Variants in ZNF804B observed in about 807,000 individuals in gnomAD.
ZNF804B encodes zinc finger protein 804B, also known as zinc finger 804B.
ZNF804B carries 80 observed loss-of-function variants against 101.4 expected under a neutral mutation model. That is an observed-to-expected ratio of 0.79 (90% CI 0.66 to 0.95). ZNF804B has a LOEUF of 0.95. Ranked by LOEUF, ZNF804B falls within the 40% of genes least tolerant of loss-of-function variation. ZNF804B has a pLI of 0.00. For missense variants in ZNF804B, 1,673 were observed against 1,561.9 expected, an observed-to-expected ratio of 1.07 and a Z score of -1.20; for synonymous variants, 622 against 558.8, an observed-to-expected ratio of 1.11 and a Z score of -1.59.
chr7:89,235,162 A>G (rs1054232187), intron 2 of ZNF804B, among the ~76,000 whole-genome samples: 2 of 152,204 alleles, frequency 1.3e-5, no homozygotes, highest in African/African-American at 4.8e-5. Flanking sequence ...CCAATATCAT[A>G]AAATGACAAA....
intron 1 of ZNF804B, among the ~76,000 whole-genome samples, chr7:89,217,718 C>A (rs1469825319): frequency 6.6e-6 from 1 of 152,126 alleles, no homozygotes; most frequent in African/African-American, 2.4e-5. Flanking sequence ...ATACATCAGG[C>A]TCTATCTATA....
intron 2 of ZNF804B, among the ~76,000 whole-genome samples, chr7:89,287,423 A>G (rs1790219668): frequency 6.6e-6 from 1 of 152,202 alleles, no homozygotes. Flanking sequence ...ATTTTCTCAG[A>G]TTTTCTCCCT....
intron 1 of ZNF804B, among the ~76,000 whole-genome samples, chr7:89,024,237 T>C (rs1025783053): frequency 6.6e-6 from 1 of 152,154 alleles, no homozygotes; most frequent in Non-Finnish European, 1.5e-5. Context: ...CTCTGTACTT[T>C]CCTTTGCAAT....
chr7:88,976,777 T>A (rs925228856), intron 1 of ZNF804B, among the ~76,000 whole-genome samples: 7 of 151,622 alleles, frequency 4.6e-5, no homozygotes, highest in Non-Finnish European at 8.9e-5. Flanking sequence ...CTATATTAAA[T>A]AACAGGGATA....
chr7:88,920,682 A>G lies in ZNF804B; in HGVS notation c.108+160598A>G, dbSNP rs141520414. On this transcript the variant is annotated intron_variant, in intron 1 of 3. Transcript: ENST00000333190. ...GAATGGAAAATACTAGAAAATTGAAATTTGAAATAAATCACTAGATTTTGA... is the reference window on the plus strand; with the variant it reads ...GAATGGAAAATACTAGAAAATTGAAGTTTGAAATAAATCACTAGATTTTGA... 2.2e-4 allele frequency among the ~76,000 whole-genome samples: 33 copies of G among 152,198 alleles called. 1 individual carries two copies. The highest frequency in any genetic ancestry group is 3.4e-3 in the Middle Eastern group (1 of 294).
intron 1 of ZNF804B, among the ~76,000 whole-genome samples, chr7:89,082,277 G>A (rs989905497): frequency 3.3e-5 from 5 of 151,604 alleles, no homozygotes; most frequent in Non-Finnish European, 3.0e-5. Flanking sequence ...ATGCAAAATA[G>A]ATAATTTTTA....
chr7:89,208,221 A>T (rs1788745151), intron 1 of ZNF804B, among the ~76,000 whole-genome samples: 1 of 151,732 alleles, frequency 6.6e-6, no homozygotes, highest in Non-Finnish European at 1.5e-5. Context: ...AGCTGGGACT[A>T]CAGGTGCCAG....
chr7:89,268,022 G>T (rs1214988378), intron 2 of ZNF804B, among the ~76,000 whole-genome samples: 1 of 151,864 alleles, frequency 6.6e-6, no homozygotes, highest in African/African-American at 2.4e-5. Context: ...TAATCTAAAG[G>T]CTGCCCACAT....
At chr7:89,081,131 G>T (rs1789691731) in intron 1 of ZNF804B, among the ~76,000 whole-genome samples, 2 of 151,758 alleles carry the variant, frequency 1.3e-5, no homozygotes, top group African/African-American at 2.4e-5. Context: ...ATCTAATAGA[G>T]CCAAGATTGC....
chr7:88,957,982 A>G (rs1793336460), intron 1 of ZNF804B, among the ~76,000 whole-genome samples: 1 of 151,200 alleles, frequency 6.6e-6, no homozygotes, highest in South Asian at 2.1e-4. Flanking sequence ...GATTTGCTCA[A>G]TATGAAATAG....
intron 1 of ZNF804B, among the ~76,000 whole-genome samples, chr7:88,845,916 A>G (rs1791366477): frequency 6.6e-6 from 1 of 152,214 alleles, no homozygotes; most frequent in African/African-American, 2.4e-5. Context: ...AAAATATTGT[A>G]AGCCTTCTGT....
Position 89,156,595 on chromosome 7 carries a change from G to T in ZNF804B, c.109-61560G>T, listed in dbSNP as rs577582110. 1.9e-4 allele frequency among the ~76,000 whole-genome samples: 29 copies of T among 152,084 alleles called. No individual in the cohort carries two copies. The South Asian group carries it at 5.8e-3, about 30-fold the overall frequency. On this transcript the variant is annotated intron_variant, in intron 1 of 3. Coordinates refer to ENST00000333190, the MANE Select transcript of ZNF804B (RefSeq NM_181646.5). ...TGAGATAAGTATGTGAAAATGCCAG[G>T]AACATAGCAGGTGCTCAGAAAAGCA...
intron 1 of ZNF804B, among the ~76,000 whole-genome samples, chr7:88,815,278 C>A (rs1790858979): frequency 6.7e-6 from 1 of 148,672 alleles, no homozygotes; most frequent in African/African-American, 2.4e-5. Context: ...CCATATGATT[C>A]TGTAGAAACT....
chr7:88,959,897 T>C (rs561376222), intron 1 of ZNF804B, among the ~76,000 whole-genome samples: 1 of 151,412 alleles, frequency 6.6e-6, no homozygotes, highest in Non-Finnish European at 1.5e-5. Context: ...CAGTTTATTG[T>C]TATCTTCTGA....
intron 2 of ZNF804B, 73 bp from the exon 3 acceptor site, chr7:89,327,271 T>A: frequency 7.1e-7 from 1 of 1,414,134 alleles, no homozygotes; most frequent in South Asian, 1.4e-5. Flanking sequence ...TAAAGAATAA[T>A]AAGGAGCCTT....
chr7:89,023,853 C>G (rs193117713), intron 1 of ZNF804B, among the ~76,000 whole-genome samples: 22 of 152,296 alleles, frequency 1.4e-4, no homozygotes, highest in Admixed American at 2.6e-4. Context: ...CAACATCACT[C>G]TTGCCTCATT....
In ZNF804B at chr7:89,327,450, CTGAGT is replaced by C; in HGVS notation, c.358_362del (p.Glu120LysfsTer5). The C allele has an allele frequency of 6.2e-7, 1 of 1,611,072 alleles. No individual in the cohort carries two copies. The highest frequency in any genetic ancestry group is 8.5e-7 in the Non-Finnish European group (1 of 1,178,346). ...GCACTTAAACGACTTCATCAGCTGG[CTGAGT>C]TAAGGCAGCAATCTGAATGGTAAGA... On this transcript the variant is annotated frameshift_variant, in exon 3 of 4. Coordinates refer to ENST00000333190, the MANE Select transcript of ZNF804B (RefSeq NM_181646.5). LOFTEE classifies it high-confidence loss of function.
chr7:89,168,645 A>G (rs1324218920), intron 1 of ZNF804B, among the ~76,000 whole-genome samples: 2 of 151,550 alleles, frequency 1.3e-5, no homozygotes, highest in African/African-American at 4.9e-5. Context: ...ATTTTAACTT[A>G]AGACTATCCC....
At chr7:89,253,053 CATAA>C (rs988823091) in intron 2 of ZNF804B, among the ~76,000 whole-genome samples, 6 of 151,956 alleles carry the variant, frequency 3.9e-5, no homozygotes, top group African/African-American at 1.5e-4. Context: ...AAAAAGTTAA[CATAA>C]ATAAGGACAG....
Sources: allele counts gnomAD v4.1 joint callset (sites outside exome capture counted in the v4.1 genomes callset), GRCh38; gene constraint gnomAD v4.1.1; transcripts MANE v1.5; gene names NCBI Gene and HGNC (gene_info 2026-07-23, HGNC 2026-07-21).